The following NAA15 variants were observed in gnomAD, a reference collection of about 807,000 sequenced individuals.
The protein encoded by NAA15 is N-alpha-acetyltransferase 15, NatA auxiliary subunit.
In NAA15, 34 loss-of-function variants were observed where a neutral mutation model predicts 114.0. The observed-to-expected ratio is 0.30, with a 90% CI of 0.23 to 0.40. NAA15 has a LOEUF of 0.40. NAA15 is among the 10% of genes least tolerant of loss of function. The pLI is 1.00. For missense variants in NAA15, 658 were observed against 1,004.5 expected (o/e 0.66, Z 4.66); for synonymous variants, 340 against 338.0 (o/e 1.01, Z -0.06).
At chr4:139,316,573 T>C (rs377083964) in intron 1 of NAA15, among the ~76,000 whole-genome samples, 2 of 151,952 alleles carry the variant, frequency 1.3e-5, no homozygotes, top group East Asian at 3.9e-4. Flanking sequence ...TATGGTGATA[T>C]TACATCTTTT....
chr4:139,332,757 T>G (rs1415162730), intron 1 of NAA15, among the ~76,000 whole-genome samples: 1 of 151,728 alleles, frequency 6.6e-6, no homozygotes, highest in Non-Finnish European at 1.5e-5. Flanking sequence ...AATTTTTGTA[T>G]TTTTAGTGGA....
intron 6 of NAA15, among the ~76,000 whole-genome samples, chr4:139,346,355 T>C (rs1747582023): frequency 6.6e-6 from 1 of 152,076 alleles, no homozygotes; most frequent in South Asian, 2.1e-4. Flanking sequence ...ATACCTACTT[T>C]GAGTTAGGTA....
In NAA15 at chr4:139,388,011, A is replaced by G. The variant is rs748890875; in HGVS notation, c.2528A>G (p.Tyr843Cys). ...PYALAFMPPG[Y>C]EEDMKITVNG... The stretch of plus-strand genomic sequence containing the variant: ...GCTTTGGCTTTCATGCCTCCTGGAT[A>G]TGAAGAGGATATGAAGATCACAGTT... The change falls in exon 20 of 20, where the codon TAT (tyrosine) becomes TGT (cysteine). Residue 843 changes from tyrosine to cysteine, a missense_variant. Tyr to Cys is a radical substitution (Grantham distance 194). Around this residue, in one of 6 missense-constraint regions of NAA15, gnomAD observed 275 missense variants for 371.1 expected, o/e 0.74. Coordinates refer to ENST00000296543, the MANE Select transcript of NAA15 (RefSeq NM_057175.5). 1.2e-6 allele frequency: 2 copies of G among 1,614,010 alleles called. No individual in the cohort carries two copies. Among genetic ancestry groups the G allele is most frequent in the Non-Finnish European group, 1.7e-6 (2 of 1,179,922 alleles).
chr4:139,306,374 G>A (rs1028503097), intron 1 of NAA15, among the ~76,000 whole-genome samples: 3 of 151,186 alleles, frequency 2.0e-5, no homozygotes, highest in Non-Finnish European at 4.4e-5. Context: ...GATTACAGGC[G>A]CCTGCCACCA....
intron 12 of NAA15, 73 bp from the exon 13 acceptor site, chr4:139,360,427 G>GT (rs1235673515): frequency 3.7e-6 from 5 of 1,358,330 alleles, no homozygotes; most frequent in African/African-American, 3.0e-5. Context: ...TAACATCTTT[G>GT]TTTTTTAAAA....
Position 139,301,522 on chromosome 4 carries a change from TG to T in NAA15, c.-255del, listed in dbSNP as rs3833612. 2.0e-3 allele frequency: 1,010 copies of T among 498,470 alleles called. 13 individuals carry two copies. The East Asian group carries it at 0.024, about 12-fold the overall frequency. 30.9% of individuals were successfully genotyped at this position (498,470 alleles called of 1,614,324 possible). On this transcript the variant is annotated 5_prime_UTR_variant, in exon 1 of 20. Coordinates refer to ENST00000296543, the MANE Select transcript of NAA15 (RefSeq NM_057175.5). ...GCCATTTTGGCTGCCTCTGTCGGTC[TG>T]TTCAGTTACCACGTGAACCGCCGAC...
chr4:139,348,361 G>A (rs1400882193), intron 6 of NAA15, among the ~76,000 whole-genome samples: 5 of 151,628 alleles, frequency 3.3e-5, no homozygotes, highest in Non-Finnish European at 7.4e-5. Flanking sequence ...GGCTGAGGTG[G>A]TAGGATCGCT....
intron 14 of NAA15, among the ~76,000 whole-genome samples, chr4:139,366,758 G>A (rs1748297003): frequency 6.6e-6 from 1 of 152,006 alleles, no homozygotes. Context: ...ACAGGCACAT[G>A]CCACCATGCC....
chr4:139,357,087 C>T (rs1579119746), intron 10 of NAA15, among the ~76,000 whole-genome samples: 1 of 151,948 alleles, frequency 6.6e-6, no homozygotes, highest in East Asian at 1.9e-4. Flanking sequence ...TCTAGTACAG[C>T]TTGTCTCCCC....
At chr4:139,376,803 G>A (rs1204004535) in intron 16 of NAA15, among the ~76,000 whole-genome samples, 6 of 152,284 alleles carry the variant, frequency 3.9e-5, no homozygotes, top group African/African-American at 1.4e-4. Flanking sequence ...TATATAGTAA[G>A]CATTAAATAA....
chr4:139,307,456 G>C (rs142629797), intron 1 of NAA15, among the ~76,000 whole-genome samples: 1 of 152,082 alleles, frequency 6.6e-6, no homozygotes, highest in Non-Finnish European at 1.5e-5. Context: ...TGGTAGAGAC[G>C]GGGTTTCGCC....
At chr4:139,310,393 G>A (rs1187319496) in intron 1 of NAA15, among the ~76,000 whole-genome samples, 39 of 148,414 alleles carry the variant, frequency 2.6e-4, no homozygotes, top group Non-Finnish European at 4.5e-5. Flanking sequence ...GGCGGAGCTT[G>A]CAGTGAGCCG....
intron 3 of NAA15, among the ~76,000 whole-genome samples, chr4:139,338,210 G>A (rs1433394045): frequency 2.0e-5 from 3 of 152,084 alleles, no homozygotes; most frequent in Non-Finnish European, 4.4e-5. Flanking sequence ...GGGAGGGAGT[G>A]GAAAGATAGG....
At chr4:139,350,331 G>C (rs540803238) in intron 7 of NAA15, among the ~76,000 whole-genome samples, 1 of 152,298 alleles carries the variant, frequency 6.6e-6, no homozygotes, top group East Asian at 1.9e-4. Flanking sequence ...TTAAAAGCAA[G>C]AATAAGCTCT....
chr4:139,317,397 G>A (rs1263943334), intron 1 of NAA15, among the ~76,000 whole-genome samples: 1 of 152,168 alleles, frequency 6.6e-6, no homozygotes, highest in African/African-American at 2.4e-5. Context: ...GCCGAGGCGG[G>A]TAGATCACGA....
intron 1 of NAA15, among the ~76,000 whole-genome samples, chr4:139,312,008 T>G (rs1746242774): frequency 6.6e-6 from 1 of 151,834 alleles, no homozygotes; most frequent in East Asian, 1.9e-4. Context: ...AGTGTTAGAG[T>G]TGCTTTGTGT....
intron 15 of NAA15, among the ~76,000 whole-genome samples, chr4:139,373,299 GT>G (rs1748495352): frequency 1.3e-5 from 2 of 152,142 alleles, no homozygotes; most frequent in Non-Finnish European, 2.9e-5. Context: ...CTACAAACCT[GT>G]ATAGCATGTT....
intron 1 of NAA15, among the ~76,000 whole-genome samples, chr4:139,318,195 T>G (rs1746477137): frequency 6.6e-6 from 1 of 152,208 alleles, no homozygotes; most frequent in Non-Finnish European, 1.5e-5. Context: ...CTTTCTTGTC[T>G]TTTTTATTCT....
intron 17 of NAA15, among the ~76,000 whole-genome samples, chr4:139,383,718 G>T (rs183516737): frequency 1.3e-5 from 2 of 152,150 alleles, no homozygotes; most frequent in South Asian, 2.1e-4. Context: ...TGATCCACCC[G>T]CCTTGGCCTC....
Sources: allele counts gnomAD v4.1 joint callset (sites outside exome capture counted in the v4.1 genomes callset), GRCh38; gene constraint gnomAD v4.1.1; regional missense constraint gnomAD v4.1.1; transcripts MANE v1.5; gene names NCBI Gene and HGNC (gene_info 2026-07-23, HGNC 2026-07-21).